Variants in NTF3 observed in about 807,000 individuals in gnomAD.
The protein encoded by NTF3 is neurotrophin-3.
In NTF3, 8 loss-of-function variants were observed where a neutral mutation model predicts 26.3. That is an observed-to-expected ratio of 0.30 (90% CI 0.18 to 0.55). The LOEUF is 0.55. Ranked by LOEUF, NTF3 falls within the 20% of genes least tolerant of loss-of-function variation. The probability of loss-of-function intolerance (pLI) is 0.93; values close to 1 mark genes in which losing one functional copy is unlikely to be tolerated. For synonymous variants in NTF3, 154 were observed against 145.5 expected, an observed-to-expected ratio of 1.06 and a Z score of -0.42; for missense variants, 276 against 352.9, an observed-to-expected ratio of 0.78 and a Z score of 1.75.
chr12:5,447,131 C>A (rs1357113894), intron 1 of NTF3, among the ~76,000 whole-genome samples: 1 of 152,220 alleles, frequency 6.6e-6, no homozygotes, highest in Non-Finnish European at 1.5e-5. Context: ...TACCTGCCAC[C>A]ATCACCCCAT....
At chr12:5,451,348 A>G (rs1339861984) in intron 1 of NTF3, among the ~76,000 whole-genome samples, 2 of 152,244 alleles carry the variant, frequency 1.3e-5, no homozygotes, top group African/African-American at 4.8e-5. Context: ...CTTTGCCTAG[A>G]CTAAGCTTAA....
At position 5,433,016 on chromosome 12, in the gene NTF3, C is replaced by T. The variant is rs2121128123; in HGVS notation, c.18+674C>T. ...GCTCAGGACCCGGAACCTCGCGTTC[C>T]AGTTTTGGGAGTTGGGACTCACTGC... On this transcript the variant is annotated intron_variant, in intron 1 of 1. Transcript: ENST00000423158. The surrounding 1 kb of genome is among the most constrained non-coding windows in gnomAD (Gnocchi z 4.6). 1 of 152,382 alleles carries T rather than the reference C, an allele frequency of 6.6e-6. No individual in the cohort carries two copies. Among genetic ancestry groups the T allele is most frequent in the South Asian group, 2.1e-4 (1 of 4,824 alleles). The allele number at this position is 152,382 out of a possible 1,614,324, so 9.4% of individuals were successfully genotyped here.
intron 1 of NTF3, among the ~76,000 whole-genome samples, chr12:5,480,500 C>T (rs987676917): frequency 6.6e-6 from 1 of 152,160 alleles, no homozygotes; most frequent in African/African-American, 2.4e-5. Context: ...CAGCTGTTGG[C>T]GGCGGGCGGG....
chr12:5,431,337 C>A (rs1247849098), upstream of NTF3, among the ~76,000 whole-genome samples: 5 of 152,170 alleles, frequency 3.3e-5, no homozygotes, highest in Non-Finnish European at 7.4e-5. Context: ...AAATGGGAGG[C>A]TGCGATCCAT....
intron 1 of NTF3, among the ~76,000 whole-genome samples, chr12:5,457,730 G>A (rs1940469705): frequency 6.6e-6 from 1 of 151,918 alleles, no homozygotes; most frequent in Non-Finnish European, 1.5e-5. Context: ...AGCTGAACAG[G>A]GGCTCCTTTT....
At position 5,433,644 on chromosome 12, in the gene NTF3, T is replaced by C. The variant is rs1325845585; in HGVS notation, c.18+1302T>C. 1.3e-5 allele frequency among the ~76,000 whole-genome samples: 2 copies of C among 152,016 alleles called. No individual in the cohort carries two copies. The highest frequency in any genetic ancestry group is 6.5e-5 in the Admixed American group (1 of 15,272). The stretch of plus-strand genomic sequence containing the variant: ...TGTCGGGGCTGTGGACTAGAAAGGA[T>C]CCCTTTTGCTGGAATCGAGGCTGGG... On this transcript the variant is annotated intron_variant, in intron 1 of 1. Transcript: ENST00000423158. This position sits in a 1 kb window ranked among gnomAD's most constrained non-coding sequence, Gnocchi z 4.6.
upstream of NTF3, among the ~76,000 whole-genome samples, chr12:5,431,001 C>G (rs1278019673): frequency 6.6e-6 from 1 of 152,052 alleles, no homozygotes; most frequent in Non-Finnish European, 1.5e-5. Context: ...CCCCTTCTCT[C>G]GATGGCAAAT....
intron 1 of NTF3, among the ~76,000 whole-genome samples, chr12:5,475,924 G>A (rs1458118166): frequency 6.6e-6 from 1 of 151,550 alleles, no homozygotes; most frequent in Non-Finnish European, 1.5e-5. Context: ...AAGAGAGAAA[G>A]AGAGAAAAAG....
chr12:5,493,746 G>A (rs564339038), intron 1 of NTF3, among the ~76,000 whole-genome samples: 9 of 152,074 alleles, frequency 5.9e-5, no homozygotes, highest in African/African-American at 1.9e-4. Flanking sequence ...GGGAGCAGTC[G>A]AACTCTTTCT....
chr12:5,479,567 C>A (rs779252355), intron 1 of NTF3, among the ~76,000 whole-genome samples: 2 of 152,158 alleles, frequency 1.3e-5, no homozygotes, highest in Non-Finnish European at 2.9e-5. Flanking sequence ...GATCAGGAGT[C>A]GGGAAGCAGG....
chr12:5,470,465 A>G (rs6489624), intron 1 of NTF3, among the ~76,000 whole-genome samples: 112,305 of 152,102 alleles, frequency 0.74, 41,824 homozygotes, highest in Non-Finnish European at 0.78. Context: ...GTCGCAGTCT[A>G]AATGCTGAGG....
chr12:5,433,724 C>A lies in NTF3; in HGVS notation c.18+1382C>A, dbSNP rs1208313787. On this transcript the variant is annotated intron_variant, in intron 1 of 1. Coordinates refer to ENST00000423158, the MANE Select transcript of NTF3 (RefSeq NM_001102654.2). This position sits in a 1 kb window ranked among gnomAD's most constrained non-coding sequence, Gnocchi z 4.6. Reference sequence around the variant, plus strand: ...AAGATCGTCTGGCCTCGGCCTCTGGCGGCGGGCGGCAGGTTCTGAGTCCGA... The same window carrying A: ...AAGATCGTCTGGCCTCGGCCTCTGGAGGCGGGCGGCAGGTTCTGAGTCCGA... 1.3e-5 allele frequency among the ~76,000 whole-genome samples: 2 copies of A among 152,016 alleles called. No individual in the cohort carries two copies. Among genetic ancestry groups the A allele is most frequent in the Non-Finnish European group, 2.9e-5 (2 of 68,010 alleles).
At chr12:5,437,301 G>A (rs1052282931) in intron 1 of NTF3, among the ~76,000 whole-genome samples, 1 of 152,202 alleles carries the variant, frequency 6.6e-6, no homozygotes, top group South Asian at 2.1e-4. Context: ...TTTTCTTGGC[G>A]AGATTGGGCC....
chr12:5,466,579 G>A (rs935614525), intron 1 of NTF3, among the ~76,000 whole-genome samples: 1 of 152,164 alleles, frequency 6.6e-6, no homozygotes, highest in Non-Finnish European at 1.5e-5. Flanking sequence ...GCTTGAGGGC[G>A]GGACAAGCAA....
chr12:5,467,219 ACTCCGT>A (rs1455069818), intron 1 of NTF3, among the ~76,000 whole-genome samples: 1 of 120,506 alleles, frequency 8.3e-6, no homozygotes, highest in East Asian at 2.8e-4. Context: ...ACAGAGCGAG[ACTCCGT>A]CTCAAAAAAA....
intron 1 of NTF3, among the ~76,000 whole-genome samples, chr12:5,478,387 T>C (rs1488915940): frequency 6.6e-6 from 1 of 152,254 alleles, no homozygotes; most frequent in Non-Finnish European, 1.5e-5. Context: ...AAATGTATCA[T>C]GTTATAGGAT....
At chr12:5,450,741 C>T (rs1156794212) in intron 1 of NTF3, among the ~76,000 whole-genome samples, 1 of 152,230 alleles carries the variant, frequency 6.6e-6, no homozygotes, top group Non-Finnish European at 1.5e-5. Context: ...AACTTCCACA[C>T]ATTTTCTACA....
chr12:5,480,217 G>A (rs1292726236), intron 1 of NTF3, among the ~76,000 whole-genome samples: 2 of 152,266 alleles, frequency 1.3e-5, no homozygotes, highest in East Asian at 3.9e-4. Flanking sequence ...GAGGGTGGAG[G>A]GGGTGGCGCC....
intron 1 of NTF3, among the ~76,000 whole-genome samples, chr12:5,481,578 C>CA (rs1182544551): frequency 4.1e-5 from 1 of 24,226 alleles, no homozygotes. Context: ...CATACATGCA[C>CA]CACACAGAAT....
Sources: allele counts gnomAD v4.1 joint callset (sites outside exome capture counted in the v4.1 genomes callset), GRCh38; gene constraint gnomAD v4.1.1; non-coding constraint Gnocchi (gnomAD v3.1); transcripts MANE v1.5; gene names NCBI Gene and HGNC (gene_info 2026-07-23, HGNC 2026-07-21).